MAGI1: variants seen among roughly 807,000 people sequenced by gnomAD.
MAGI1 encodes the protein membrane-associated guanylate kinase, WW and PDZ domain-containing protein 1.
Under a neutral mutation model 139.9 loss-of-function variants are expected in MAGI1, and 58 were observed. The ratio of observed to expected loss-of-function variants is 0.41; its 90% CI spans 0.34 to 0.52. MAGI1 has a LOEUF of 0.52. MAGI1 is among the 20% of genes least tolerant of loss of function. The pLI, the probability that MAGI1 is intolerant of heterozygous loss-of-function variation, is 0.12. For synonymous variants in MAGI1, 812 were observed against 737.9 expected (o/e 1.10, Z -1.63); for missense variants, 1,874 against 1,901.6 (o/e 0.99, Z 0.27).
At chr3:65,658,075 T>C (rs2085985653) in intron 1 of MAGI1, among the ~76,000 whole-genome samples, 1 of 152,200 alleles carries the variant, frequency 6.6e-6, no homozygotes, top group South Asian at 2.1e-4. Context: ...TTTAAAATGA[T>C]GTGGAAGTCA....
chr3:65,712,023 G>A (rs537461768), intron 1 of MAGI1, among the ~76,000 whole-genome samples: 1 of 152,202 alleles, frequency 6.6e-6, no homozygotes, highest in African/African-American at 2.4e-5. Flanking sequence ...AACTTCATGA[G>A]GACAGAAAGA....
chr3:65,789,347 G>C (rs540312319), intron 1 of MAGI1, among the ~76,000 whole-genome samples: 5 of 152,044 alleles, frequency 3.3e-5, no homozygotes, highest in Non-Finnish European at 7.4e-5. Flanking sequence ...CCAGTCAAGA[G>C]CTCCTCTAGG....
chr3:65,374,682 T>C (rs529534738), intron 18 of MAGI1, among the ~76,000 whole-genome samples: 1 of 152,288 alleles, frequency 6.6e-6, no homozygotes, highest in South Asian at 2.1e-4. Flanking sequence ...TGGGTAACTT[T>C]TTATTGTGAG....
chr3:65,474,612 T>TACAC (rs60798256), intron 4 of MAGI1, among the ~76,000 whole-genome samples: 37,089 of 150,472 alleles, frequency 0.25, 4,510 homozygotes, highest in South Asian at 0.3. Context: ...CAAGCTTTTA[T>TACAC]ACACACACAC....
At chr3:65,533,761 T>C (rs540564810) in intron 2 of MAGI1, among the ~76,000 whole-genome samples, 1 of 152,302 alleles carries the variant, frequency 6.6e-6, no homozygotes, top group South Asian at 2.1e-4. Context: ...AAACATTCTC[T>C]GAGCATTAGA....
intron 1 of MAGI1, among the ~76,000 whole-genome samples, chr3:65,923,848 A>G (rs1463881716): frequency 2.0e-5 from 3 of 152,238 alleles, no homozygotes; most frequent in Non-Finnish European, 4.4e-5. Flanking sequence ...TTGTTTCCTC[A>G]TTACCACAAA....
chr3:65,600,247 A>C (rs1286568029), intron 2 of MAGI1, among the ~76,000 whole-genome samples: 1 of 152,252 alleles, frequency 6.6e-6, no homozygotes, highest in African/African-American at 2.4e-5. Flanking sequence ...TACAAAAGGC[A>C]TTCTTTTTAT....
intron 1 of MAGI1, chr3:65,688,550 A>T (rs772245245): frequency 5.4e-5 from 20 of 368,108 alleles, no homozygotes; most frequent in Non-Finnish European, 1.0e-4. Context: ...ACTGTGCTTT[A>T]TATGGTGACA....
chr3:65,752,995 A>C (rs901261703), intron 1 of MAGI1, among the ~76,000 whole-genome samples: 2 of 152,152 alleles, frequency 1.3e-5, no homozygotes, highest in African/African-American at 4.8e-5. Flanking sequence ...CTCTACTGTA[A>C]TACCCCTATT....
chr3:65,659,616 G>A (rs565251618), intron 1 of MAGI1, among the ~76,000 whole-genome samples: 5 of 152,234 alleles, frequency 3.3e-5, no homozygotes, highest in Admixed American at 2.6e-4. Flanking sequence ...GATGGAAACC[G>A]CAAACCCCAC....
chr3:65,725,078 C>CA (rs1257021702), intron 1 of MAGI1, among the ~76,000 whole-genome samples: 7 of 152,006 alleles, frequency 4.6e-5, no homozygotes, highest in Non-Finnish European at 8.8e-5. Flanking sequence ...GGATTTGAGT[C>CA]AAAAAAACTC....
At chr3:65,949,234 C>A (rs185159445) in intron 1 of MAGI1, among the ~76,000 whole-genome samples, 1 of 152,260 alleles carries the variant, frequency 6.6e-6, no homozygotes. Context: ...AAGCTGTGTC[C>A]AACATTTGTG....
chr3:65,631,131 T>A (rs903810121), intron 1 of MAGI1, among the ~76,000 whole-genome samples: 7 of 152,146 alleles, frequency 4.6e-5, no homozygotes, highest in Non-Finnish European at 1.0e-4. Flanking sequence ...TAAGGGAGTG[T>A]CTAGGAAGAA....
chr3:65,507,620 C>T (rs1298352300), intron 2 of MAGI1, among the ~76,000 whole-genome samples: 8 of 152,166 alleles, frequency 5.3e-5, no homozygotes, highest in African/African-American at 1.7e-4. Context: ...CTAATGTTTG[C>T]CAACGATCTC....
At chr3:65,642,149 T>C (rs1177090924) in intron 1 of MAGI1, among the ~76,000 whole-genome samples, 3 of 151,960 alleles carry the variant, frequency 2.0e-5, no homozygotes, top group Non-Finnish European at 4.4e-5. Flanking sequence ...CTCCCCAAAA[T>C]TAAACACAAC....
chr3:65,861,467 C>A (rs2059554209), intron 1 of MAGI1, among the ~76,000 whole-genome samples: 1 of 152,090 alleles, frequency 6.6e-6, no homozygotes, highest in African/African-American at 2.4e-5. Flanking sequence ...CCCTTATCTG[C>A]AGAAAAAGTA....
At chr3:65,543,061 A>T (rs1421066438) in intron 2 of MAGI1, among the ~76,000 whole-genome samples, 1 of 152,166 alleles carries the variant, frequency 6.6e-6, no homozygotes, top group African/African-American at 2.4e-5. Context: ...ATAAGAAAAA[A>T]AAAACAAACA....
At chr3:65,995,823 C>A (rs1389551401) in intron 1 of MAGI1, among the ~76,000 whole-genome samples, 1 of 152,012 alleles carries the variant, frequency 6.6e-6, no homozygotes, top group Non-Finnish European at 1.5e-5. Flanking sequence ...TATTTTCAGA[C>A]AAAAAATTGT....
At chr3:65,374,871 C>T (rs1400660411) in intron 18 of MAGI1, among the ~76,000 whole-genome samples, 1 of 152,148 alleles carries the variant, frequency 6.6e-6, no homozygotes, top group Non-Finnish European at 1.5e-5. Flanking sequence ...TAGTTTAATG[C>T]AGATACAATT....
Sources: allele counts gnomAD v4.1 joint callset (sites outside exome capture counted in the v4.1 genomes callset), GRCh38; gene constraint gnomAD v4.1.1; transcripts MANE v1.5; gene names NCBI Gene and HGNC (gene_info 2026-07-23, HGNC 2026-07-21).